RECQL4: variants seen among roughly 807,000 people sequenced by gnomAD.
The protein encoded by RECQL4 is RecQ like helicase 4, also known as ATP-dependent DNA helicase Q4.
RECQL4 carries 158 observed loss-of-function variants against 128.6 expected under a neutral mutation model. That is an observed-to-expected ratio of 1.23 (90% confidence interval 1.08 to 1.40). RECQL4 has a LOEUF of 1.40. Ranked by LOEUF, RECQL4 falls within the 40% of genes most tolerant of loss-of-function variation. The pLI is 0.00. For synonymous variants in RECQL4, 996 were observed against 678.9 expected, an observed-to-expected ratio of 1.47 and a Z score of -7.26; for missense variants, 2,293 against 1,649.8, an observed-to-expected ratio of 1.39 and a Z score of -6.75.
rs754019797 is a variant in RECQL4, at chr8:144,511,539, C to T, written c.3519G>A (p.Pro1173=). The T allele has an allele frequency of 5.0e-5, 80 of 1,612,278 alleles. 2 individuals are homozygous for T. The South Asian group carries it at 6.0e-4, about 12-fold the overall frequency. ...GTCGGTCCTGCCCGTACACCTGGGC[C>T]GGGTAGCAGGGGCTTCCTACGGTGG... ...IFHGIGSPCY[P]AQVYGQDRRF... The change falls in exon 21 of 21, where the codon CCG becomes CCA. Residue 1173 remains proline, a synonymous_variant. Coordinates refer to ENST00000617875, the MANE Select transcript of RECQL4 (RefSeq NM_004260.4).
chr8:144,516,267 G>A lies in RECQL4; in HGVS notation c.852C>T (p.Pro284=), dbSNP rs1292797558. 4.3e-6 allele frequency: 7 copies of A among 1,611,976 alleles called. No individual in the cohort carries two copies. The highest frequency in any genetic ancestry group is 2.7e-5 in the African/African-American group (2 of 74,928). ...QVQQESSQAG[P]PSEGAGAVAV... Reference sequence around the variant, plus strand: ...CTACAGCCCCAGCCCCCTCCGATGGGGGTCCAGCTTGGCTGCTCTCCTGCT... The same window carrying A: ...CTACAGCCCCAGCCCCCTCCGATGGAGGTCCAGCTTGGCTGCTCTCCTGCT... The change falls in exon 5 of 21, where the codon CCC becomes CCT. Residue 284 remains proline (P), a synonymous_variant. Transcript: ENST00000617875.
Position 144,514,531 on chromosome 8 carries a change from A to G in RECQL4, c.1621-6T>C. The G allele has an allele frequency of 6.2e-7, 1 of 1,610,138 alleles. No homozygotes were observed. The highest frequency in any genetic ancestry group is 8.5e-7 in the Non-Finnish European group (1 of 1,178,788). On this transcript the variant is annotated splice_region_variant and splice_polypyrimidine_tract_variant and intron_variant, in intron 9 of 20. Coordinates refer to ENST00000617875, the MANE Select transcript of RECQL4 (RefSeq NM_004260.4). ...CACGGTGGCAGGCCAGACACCTGCAAATGCAGGAGCGACAGCCGTCATACG... is the reference window on the plus strand; with the variant it reads ...CACGGTGGCAGGCCAGACACCTGCAGATGCAGGAGCGACAGCCGTCATACG...
At position 144,514,208 on chromosome 8, in the gene RECQL4, C is replaced by T. The variant is rs1481613413; in HGVS notation, c.1859G>A (p.Cys620Tyr). 8 of 1,612,326 alleles carry T rather than the reference C, an allele frequency of 5.0e-6. No individual in the cohort carries two copies. The Admixed American group carries it at 5.0e-5, about 10-fold the overall frequency. ...LSQWSHNFRP[C>Y]YLRVCKVLRE... ...GCTCACCTTGCAGACGCGCAGGTAGCAGGGCCGGAAGTTGTGGGACCACTG... is the reference window on the plus strand; with the variant it reads ...GCTCACCTTGCAGACGCGCAGGTAGTAGGGCCGGAAGTTGTGGGACCACTG... The change falls in exon 11 of 21, where the codon TGC becomes TAC. Residue 620 changes from cysteine (C) to tyrosine (Y), a missense_variant. Cys to Tyr is a radical substitution (Grantham distance 194). Transcript: ENST00000617875.
In RECQL4 at chr8:144,514,791, C is replaced by CAA. The variant is rs1827908962; in HGVS notation, c.1620+144_1620+145insTT. 5 of 1,081,446 alleles carry CAA rather than the reference C, an allele frequency of 4.6e-6. No individual in the cohort carries two copies. The Admixed American group carries it at 8.9e-5, about 19-fold the overall frequency. The allele number at this position is 1,081,446 out of a possible 1,614,324, so 67.0% of individuals were successfully genotyped here. On this transcript the variant is annotated intron_variant, in intron 9 of 20. Coordinates refer to ENST00000617875, the MANE Select transcript of RECQL4 (RefSeq NM_004260.4). The stretch of plus-strand genomic sequence containing the variant: ...CCTGTGGAGCTGGGCTGCCTTTGAC[C>CAA]TGCTGCCAAGACTGGGACTGAGGCC...
intron 3 of RECQL4, 50 bp from the exon 4 acceptor site, chr8:144,517,240 G>A: frequency 6.5e-7 from 1 of 1,542,062 alleles, no homozygotes; most frequent in Non-Finnish European, 8.7e-7. Flanking sequence ...TGTGGCGGCA[G>A]AAGCGCTCCC....
At chr8:144,516,820 ACT>A in intron 4 of RECQL4, 56 bp from the exon 5 acceptor site, 1 of 1,482,236 alleles carries the variant, frequency 6.7e-7, no homozygotes, top group South Asian at 1.4e-5. Flanking sequence ...GCTACTGTAG[ACT>A]CTAAAACCTA....
chr8:144,513,208 G>C lies in RECQL4; in HGVS notation c.2463+10C>G, dbSNP rs752112003. The C allele has an allele frequency of 9.0e-6, 14 of 1,559,192 alleles. No individual in the cohort carries two copies. Among genetic ancestry groups the C allele is most frequent in the South Asian group, 2.3e-5 (2 of 86,108 alleles). On this transcript the variant is annotated intron_variant, in intron 14 of 20. Coordinates refer to ENST00000617875, the MANE Select transcript of RECQL4 (RefSeq NM_004260.4). ...CGAGCACTGGCAGTGTGGGGGGGGGGGGTGCCAACCTGGGGCTGCAGGAAG... is the reference window on the plus strand; with the variant it reads ...CGAGCACTGGCAGTGTGGGGGGGGGCGGTGCCAACCTGGGGCTGCAGGAAG...
In RECQL4 at chr8:144,511,802, G is replaced by A. The variant is rs539751764; in HGVS notation, c.3394-13C>T. The A allele has an allele frequency of 1.2e-6, 2 of 1,612,042 alleles. No homozygotes were observed. The highest frequency in any genetic ancestry group is 1.3e-5 in the African/African-American group (1 of 75,058). On this transcript the variant is annotated splice_polypyrimidine_tract_variant and intron_variant, in intron 19 of 20. Transcript: ENST00000617875. ...CCCAATCCTGGAGCTGTGTGGACAG[G>A]CACATCAGGCTTCCTCTGAGCTCCC... is the stretch of plus-strand genomic sequence containing the variant.
intron 9 of RECQL4, among the ~76,000 whole-genome samples, 188 bp from the exon 10 acceptor site, chr8:144,514,713 G>C (rs572970263): frequency 3.2e-4 from 48 of 152,350 alleles, no homozygotes; most frequent in African/African-American, 1.1e-3. Context: ...CAGACAGACT[G>C]AAGTAGGGAT....
chr8:144,516,972 GA>G, intron 4 of RECQL4, 77 bp downstream of exon 4: 6 of 1,540,430 alleles, frequency 3.9e-6, no homozygotes, highest in South Asian at 3.7e-5. Flanking sequence ...TGTCTGTGTG[GA>G]AAAAATGACA....
rs891542221 is a variant in RECQL4 at position 144,513,119 on chromosome 8, A to T, written c.2483T>A (p.Leu828Gln). 1 of 1,505,740 alleles carries T rather than the reference A, an allele frequency of 6.6e-7. No homozygotes were observed. Among genetic ancestry groups the T allele is most frequent in the East Asian group, 2.6e-5 (1 of 38,564 alleles). The allele number at this position is 1,505,740 out of a possible 1,614,324, so 93.3% of individuals were successfully genotyped here. ...GCTGTCGGCGTGCACATGTCTGCGC[A>T]GCTCTCGCAGGTCTTCGCCCTGCAG... ...LQPQGEDLRE[L>Q]RRHVHADSTD... Residue 828 changes from leucine (L) to glutamine (Q), a missense_variant, in exon 15 of 21, where the codon CTG becomes CAG. Leu to Gln is a moderately radical substitution (Grantham distance 113). Coordinates refer to ENST00000617875, the MANE Select transcript of RECQL4 (RefSeq NM_004260.4).
rs1472638346 is a variant in RECQL4, at chr8:144,517,593, C to T, written c.118+9G>A. On this transcript the variant is annotated intron_variant, in intron 2 of 20. Coordinates refer to ENST00000617875, the MANE Select transcript of RECQL4 (RefSeq NM_004260.4). ...TCTTCTCGCCCCCGCCGCCCCGCCG[C>T]GCGCTCACCGCGGGTCTCCTCCGGC... The T allele has an allele frequency of 3.4e-6, 5 of 1,480,106 alleles. No individual in the cohort carries two copies. Among genetic ancestry groups the T allele is most frequent in the Admixed American group, 4.7e-5 (2 of 42,308 alleles). The allele number at this position is 1,480,106 out of a possible 1,614,324, so 91.7% of individuals were successfully genotyped here. A position where few individuals can be genotyped will look rare whatever the true frequency, so the allele number is the denominator to read the frequency against.
intron 5 of RECQL4, 23 bp from the exon 6 acceptor site, chr8:144,515,913 G>A (rs35481163): frequency 2.5e-6 from 4 of 1,612,642 alleles, no homozygotes; most frequent in Non-Finnish European, 1.7e-6. Flanking sequence ...CACATAGGAG[G>A]GTCACTGGGC....
rs1828015190 is a variant in RECQL4, at chr8:144,515,417, C to T, written c.1299G>A (p.Leu433=). Residue 433 remains leucine (L), a synonymous_variant, in exon 7 of 21, where the codon CTG becomes CTA. Transcript: ENST00000617875. ...EDTDAVGPEP[L]VPSPQPVPEV... The stretch of plus-strand genomic sequence containing the variant: ...CAGGTACAGGTTGTGGTGAAGGAAC[C>T]AGTGGCTCAGGCCCAACAGCATCTG... The T allele has an allele frequency of 6.2e-7, 1 of 1,612,690 alleles. No homozygotes were observed. Among genetic ancestry groups the T allele is most frequent in the South Asian group, 1.1e-5 (1 of 91,082 alleles).
rs1827481798 is a variant in RECQL4 at position 144,512,714 on chromosome 8, AGCAGCTCCAGCCAGTGGTGTGGGT to A, written c.2789_2812del (p.His930_Leu937del). On this transcript the variant is annotated inframe_deletion, in exon 16 of 21. Coordinates refer to ENST00000617875, the MANE Select transcript of RECQL4 (RefSeq NM_004260.4). ...ACGGCAATGGGTATAGGTGGTCGCC[AGCAGCTCCAGCCAGTGGTGTGGGT>A]GCAGCTCCAGGTAGCACAGCAAAGT... 1 of 1,612,252 alleles carries A rather than the reference AGCAGCTCCAGCCAGTGGTGTGGGT, an allele frequency of 6.2e-7. No homozygotes were observed. The highest frequency in any genetic ancestry group is 1.3e-5 in the African/African-American group (1 of 75,068).
In RECQL4 at chr8:144,514,295, G is replaced by A. The variant is rs2721191; in HGVS notation, c.1772C>T (p.Pro591Leu). 8,151 of 1,611,110 alleles carry A rather than the reference G, an allele frequency of 5.1e-3. 382 individuals are homozygous for A. The African/African-American group carries it at 0.098, about 19-fold the overall frequency. Residue 591 changes from proline (P) to leucine (L), a missense_variant, in exon 11 of 21, where the codon CCT (proline) becomes CTT (leucine). Coordinates refer to ENST00000617875, the MANE Select transcript of RECQL4 (RefSeq NM_004260.4). ...PEALVGAGGL[P>L]PAAQLPPVAF... ...AACTGGAGGCAGCTGTGCGGCTGGA[G>A]GGAGGCCTCCCGCCCCCACCAGTGC...
rs1220847881 is a variant in RECQL4 at position 144,516,026 on chromosome 8, G to A, written c.1093C>T (p.Arg365Trp). Residue 365 changes from arginine (R) to tryptophan (W), a missense_variant, in exon 5 of 21, where the codon CGG becomes TGG. Arg to Trp is a moderately radical substitution (Grantham distance 101). Coordinates refer to ENST00000617875, the MANE Select transcript of RECQL4 (RefSeq NM_004260.4). Reference protein sequence around the residue: ...RLNMKQKHYVRGRALRSRLLR... With the variant: ...RLNMKQKHYVWGRALRSRLLR... ...AGCCTGCTACGGAGTGCCCGGCCCC[G>A]CACGTAGTGTTTCTGCTTCATGTTG... The A allele has an allele frequency of 3.1e-6, 5 of 1,611,334 alleles. No individual in the cohort carries two copies. The highest frequency in any genetic ancestry group is 1.1e-5 in the South Asian group (1 of 91,058).
Position 144,513,620 on chromosome 8 carries a change from A to G in RECQL4, c.2151T>C (p.Ala717=), listed in dbSNP as rs2130683207. The G allele has an allele frequency of 1.2e-6, 2 of 1,602,552 alleles. No homozygotes were observed. Among genetic ancestry groups the G allele is most frequent in the East Asian group, 2.3e-5 (1 of 44,404 alleles). The change falls in exon 13 of 21, where the codon GCT becomes GCC. Residue 717 remains alanine, a synonymous_variant. Coordinates refer to ENST00000617875, the MANE Select transcript of RECQL4 (RefSeq NM_004260.4). ...CGTGCAGGCAGGTTCGGAGGAGCGC[A>G]GCGATCCGCTCTGTGTCCTCGCGCC... The part of the protein sequence containing the change: ...CNRREDTERI[A]ALLRTCLHAA...
intron 9 of RECQL4, 106 bp from the exon 10 acceptor site, chr8:144,514,631 G>A (rs1034777142): frequency 1.4e-5 from 17 of 1,214,522 alleles, no homozygotes; most frequent in Admixed American, 4.6e-5. Flanking sequence ...CAGGGGAGAG[G>A]AGAACCAGGT....
Sources: allele counts gnomAD v4.1 joint callset (sites outside exome capture counted in the v4.1 genomes callset), GRCh38; gene constraint gnomAD v4.1.1; transcripts MANE v1.5; gene names NCBI Gene and HGNC (gene_info 2026-07-23, HGNC 2026-07-21).